The following EFCAB8 variants were observed in gnomAD, a reference collection of about 807,000 sequenced individuals.
EFCAB8 encodes the protein EF-hand calcium-binding domain-containing protein 8.
A neutral mutation model predicts 116.3 loss-of-function variants in EFCAB8; 100 were observed. The ratio of observed to expected loss-of-function variants is 0.86; its 90% CI spans 0.73 to 1.02. EFCAB8 has a LOEUF of 1.02. Ranked by LOEUF, EFCAB8 falls within the 50% of genes least tolerant of loss-of-function variation. EFCAB8 has a pLI of 0.00. For missense variants in EFCAB8, 1,320 were observed against 1,416.9 expected, an observed-to-expected ratio of 0.93 and a Z score of 1.10; for synonymous variants, 558 against 567.9, an observed-to-expected ratio of 0.98 and a Z score of 0.25.
intron 20 of EFCAB8, 58 bp downstream of exon 20, chr20:32,920,273 G>T: frequency 1.3e-6 from 2 of 1,538,946 alleles, no homozygotes; most frequent in Non-Finnish European, 1.8e-6. Flanking sequence ...GGTCAGGATT[G>T]GGTGGTCAGG....
In EFCAB8 at chr20:32,918,442, G is replaced by A; in HGVS notation, c.2142G>A (p.Lys714=). 1.3e-6 allele frequency: 2 copies of A among 1,551,738 alleles called. No homozygotes were observed. The highest frequency in any genetic ancestry group is 1.7e-6 in the Non-Finnish European group (2 of 1,147,002). ...PYVEREKWTY[K]TSRKLSSLSP... ...TGGAGCGGGAGAAGTGGACATACAAGACCTCCAGGAAGCTCTCCAGTCTCA... is the reference window on the plus strand; with the variant it reads ...TGGAGCGGGAGAAGTGGACATACAAAACCTCCAGGAAGCTCTCCAGTCTCA... The change falls in exon 19 of 27, where the codon AAG becomes AAA. Residue 714 remains lysine (K), a synonymous_variant. Coordinates refer to ENST00000400522, the MANE Select transcript of EFCAB8 (RefSeq NM_001143967.2).
At chr20:32,868,920 G>C (rs191091035) in intron 3 of EFCAB8, among the ~76,000 whole-genome samples, 1 of 152,084 alleles carries the variant, frequency 6.6e-6, no homozygotes, top group Non-Finnish European at 1.5e-5. Context: ...GGGAAGCAGA[G>C]GTTGCAGTGA....
At chr20:32,860,697 T>G (rs780354552) in intron 1 of EFCAB8, among the ~76,000 whole-genome samples, 1 of 151,902 alleles carries the variant, frequency 6.6e-6, no homozygotes, top group Non-Finnish European at 1.5e-5. Flanking sequence ...TTATAAAAAT[T>G]GGCATCATAG....
chr20:32,900,851 A>C (rs567449563), intron 11 of EFCAB8, among the ~76,000 whole-genome samples: 1 of 152,014 alleles, frequency 6.6e-6, no homozygotes, highest in Admixed American at 6.6e-5. Context: ...TACAGGCGTG[A>C]GCCACCATGC....
chr20:32,940,049 C>T (rs71337927), intron 22 of EFCAB8, among the ~76,000 whole-genome samples: 14,325 of 103,522 alleles, frequency 0.14, 3,029 homozygotes, highest in Non-Finnish European at 0.21. Flanking sequence ...TCCTTCCTTC[C>T]TTCCTTCCTT....
At chr20:32,924,774 A>G (rs776875632) in intron 20 of EFCAB8, among the ~76,000 whole-genome samples, 9 of 152,272 alleles carry the variant, frequency 5.9e-5, no homozygotes, top group South Asian at 4.1e-4. Context: ...CATGCAAAAG[A>G]TTGAATGTCT....
rs975437442 is a variant in EFCAB8 at position 32,908,400 on chromosome 20, C to T, written c.1434C>T (p.Cys478=). 1 of 1,249,986 alleles carries T rather than the reference C, an allele frequency of 8.0e-7. No individual in the cohort carries two copies. Among genetic ancestry groups the T allele is most frequent in the African/African-American group, 1.5e-5 (1 of 64,620 alleles). 77.4% of individuals were successfully genotyped at this position (1,249,986 alleles called of 1,614,324 possible). A position where few individuals can be genotyped will look rare whatever the true frequency, so the allele number is the denominator to read the frequency against. Residue 478 remains cysteine, a synonymous_variant, in exon 14 of 27, where the codon TGC becomes TGT. Transcript: ENST00000400522. ...TCGAGAAGGACAATACCCTCATCTG[C>T]AGCACCTACTCAGTGAGTGCTGTCC... The part of the protein sequence containing the change: ...YFFEKDNTLI[C]STYSIGILKG...
chr20:32,886,872 G>C (rs1291581703), intron 6 of EFCAB8, among the ~76,000 whole-genome samples: 1 of 152,186 alleles, frequency 6.6e-6, no homozygotes, highest in Non-Finnish European at 1.5e-5. Context: ...CCTCAAGTTT[G>C]AGGCGGGGCC....
At position 32,887,500 on chromosome 20, in the gene EFCAB8, C is replaced by CG. The variant is rs371330684; in HGVS notation, c.568-1799dup. Among the ~76,000 whole-genome samples the CG allele has an allele frequency of 4.0e-3, 616 of 152,280 alleles. 5 individuals are homozygous for CG. Among genetic ancestry groups the CG allele is most frequent in the African/African-American group, 0.014 (597 of 41,568 alleles). On this transcript the variant is annotated intron_variant, in intron 6 of 26. Coordinates refer to ENST00000400522, the MANE Select transcript of EFCAB8 (RefSeq NM_001143967.2). ...CTGAGGCACGAGAATCACTGGAACC[C>CG]GGAGGCAGAGGTTCCAGTGAGCCGA...
chr20:32,950,597 GC>G (rs1466155966), intron 23 of EFCAB8, among the ~76,000 whole-genome samples: 1 of 152,160 alleles, frequency 6.6e-6, no homozygotes, highest in African/African-American at 2.4e-5. Context: ...TCTTTGTTGT[GC>G]TTATCTGGGA....
At chr20:32,927,884 G>C (rs1294754553) in intron 20 of EFCAB8, among the ~76,000 whole-genome samples, 1 of 151,978 alleles carries the variant, frequency 6.6e-6, no homozygotes, top group Non-Finnish European at 1.5e-5. Context: ...CCATTTTTAA[G>C]TGTATGGTTC....
At chr20:32,946,481 T>C (rs1414907989) in intron 23 of EFCAB8, among the ~76,000 whole-genome samples, 2 of 152,240 alleles carry the variant, frequency 1.3e-5, no homozygotes, top group Admixed American at 6.5e-5. Flanking sequence ...CCATGTACTG[T>C]TGTTCAGTCA....
intron 4 of EFCAB8, among the ~76,000 whole-genome samples, 155 bp downstream of exon 4, chr20:32,876,199 C>T (rs534554101): frequency 6.6e-6 from 1 of 152,204 alleles, no homozygotes; most frequent in Non-Finnish European, 1.5e-5. Context: ...CTGGTGGAGA[C>T]GTCCCTCCTA....
chr20:32,899,649 G>A (rs1270366617), intron 11 of EFCAB8, among the ~76,000 whole-genome samples: 1 of 151,288 alleles, frequency 6.6e-6, no homozygotes, highest in African/African-American at 2.4e-5. Flanking sequence ...ATCTCGGCTC[G>A]CCACAACCTC....
intron 3 of EFCAB8, among the ~76,000 whole-genome samples, chr20:32,874,071 C>T (rs1450442393): frequency 1.3e-5 from 2 of 151,582 alleles, no homozygotes; most frequent in Non-Finnish European, 1.5e-5. Context: ...CAGGCATGTG[C>T]CACCATGCCT....
At chr20:32,919,346 A>G (rs1047772294) in intron 19 of EFCAB8, among the ~76,000 whole-genome samples, 2 of 152,184 alleles carry the variant, frequency 1.3e-5, no homozygotes, top group African/African-American at 4.8e-5. Flanking sequence ...ACCTAAATCC[A>G]ACATGGTCTG....
In EFCAB8 at chr20:32,860,493, C is replaced by CAT. The variant is rs1984052803; in HGVS notation, c.-11+1487_-11+1488insAT. On this transcript the variant is annotated intron_variant, in intron 1 of 26. Coordinates refer to ENST00000400522, the MANE Select transcript of EFCAB8 (RefSeq NM_001143967.2). ...TTTGTTCCATCGCTGATGGTGGTAA[C>CAT]TTTTTTTTTTTTTTTTTTTTTTTTT... Among the ~76,000 whole-genome samples, 4 of 83,994 alleles carry CAT rather than the reference C, an allele frequency of 4.8e-5. No homozygotes were observed. In the East Asian group the frequency reaches 2.0e-3, roughly 41 times the overall value. 55.1% of individuals were successfully genotyped at this position (83,994 alleles called of 152,430 possible). A position where few individuals can be genotyped will look rare whatever the true frequency, so the allele number is the denominator to read the frequency against.
rs373463144 is a variant in EFCAB8 at position 32,867,769 on chromosome 20, G to A, written c.208+22G>A. 3.0e-5 allele frequency: 47 copies of A among 1,547,366 alleles called. No individual in the cohort carries two copies. The South Asian group carries it at 3.8e-4, about 13-fold the overall frequency. On this transcript the variant is annotated intron_variant, in intron 3 of 26. Coordinates refer to ENST00000400522, the MANE Select transcript of EFCAB8 (RefSeq NM_001143967.2). ...GGAGGTAAGGCCGCTCTGTAGGCTC[G>A]GTTTTTGTGTGAGTTCTGCAACAGG...
rs773529546 is a variant in EFCAB8 at position 32,917,355 on chromosome 20, G to A, written c.1911G>A (p.Thr637=). The change falls in exon 18 of 27, where the codon ACG becomes ACA. Residue 637 remains threonine (T), a synonymous_variant. Transcript: ENST00000400522. Reference sequence around the variant, plus strand: ...GCTACCACTGGCAGACCTACCACACGGAGGACATCCTGAGCATGGCCAAGT... The same window carrying A: ...GCTACCACTGGCAGACCTACCACACAGAGGACATCCTGAGCATGGCCAAGT... ...LLCYHWQTYH[T]EDILSMAKYR... is the part of the protein sequence containing the mutation. 15 of 1,551,598 alleles carry A rather than the reference G, an allele frequency of 9.7e-6. No individual in the cohort carries two copies. The highest frequency in any genetic ancestry group is 2.4e-5 in the East Asian group (1 of 40,924).
Sources: gnomAD v4.1 joint callset for allele counts (sites outside exome capture counted in the v4.1 genomes callset) on GRCh38, gnomAD v4.1.1 for gene constraint, MANE v1.5 for transcripts, NCBI Gene and HGNC (gene_info 2026-07-23, HGNC 2026-07-21) for gene names.